Variants in BHLHE23 observed in about 807,000 individuals in gnomAD.
BHLHE23 encodes class E basic helix-loop-helix protein 23.
For synonymous variants in BHLHE23, 204 were observed against 184.4 expected, an observed-to-expected ratio of 1.11 and a Z score of -0.86; for missense variants, 401 against 380.0, an observed-to-expected ratio of 1.06 and a Z score of -0.46.
rs569029234 is a variant in BHLHE23 at position 63,006,675 on chromosome 20, C to G, written c.100G>C (p.Gly34Arg). 2.9e-6 allele frequency: 4 copies of G among 1,371,268 alleles called. No individual in the cohort carries two copies. The highest frequency in any genetic ancestry group is 3.0e-5 in the African/African-American group (2 of 66,088). The allele number at this position is 1,371,268 out of a possible 1,614,324, so 84.9% of individuals were successfully genotyped here. The change falls in exon 1 of 1, where the codon GGC (glycine) becomes CGC (arginine). Residue 34 changes from glycine to arginine, a missense_variant. Physicochemically the swap from Gly to Arg is moderately radical, Grantham distance 125 (BLOSUM62 -2). Transcript: ENST00000612929. ...SGDAYLALSH[G>R]YAAAAAGLAY... is the part of the protein sequence containing the mutation. ...AGACCCGCAGCCGCCGCCGCGTAGC[C>G]GTGGCTTAGTGCCAGGTACGCGTCC...
chr20:63,006,091 C>A lies in BHLHE23; in HGVS notation c.684G>T (p.Gly228=). The change falls in exon 1 of 1, where the codon GGG becomes GGT. Residue 228 remains glycine (G), a synonymous_variant. Coordinates refer to ENST00000612929, the MANE Select transcript of BHLHE23 (RefSeq NM_080606.4). ...PCPDKCAAFS[G]TPSALCKHCH... ...AGTGTTTGCAAAGCGCGGAGGGCGTCCCGGAGAAGGCGGCGCACTTGTCAG... is the reference window on the plus strand; with the variant it reads ...AGTGTTTGCAAAGCGCGGAGGGCGTACCGGAGAAGGCGGCGCACTTGTCAG... 1 of 1,545,056 alleles carries A rather than the reference C, an allele frequency of 6.5e-7. No individual in the cohort carries two copies. Among genetic ancestry groups the A allele is most frequent in the South Asian group, 1.2e-5 (1 of 83,860 alleles).
chr20:63,006,040 C>T lies in BHLHE23; in HGVS notation c.*9G>A. On this transcript the variant is annotated 3_prime_UTR_variant, in exon 1 of 1. Transcript: ENST00000612929. ...AGGACGCGTGCGGGAGGGCCGGGGG[C>T]CCGCGCGGTCACGGCTTCTCGTGAC... 2 of 1,503,964 alleles carry T rather than the reference C, an allele frequency of 1.3e-6. No homozygotes were observed. Among genetic ancestry groups the T allele is most frequent in the Non-Finnish European group, 1.8e-6 (2 of 1,131,776 alleles). The allele number at this position is 1,503,964 out of a possible 1,614,324, so 93.2% of individuals were successfully genotyped here. A position where few individuals can be genotyped will look rare whatever the true frequency, so the allele number is the denominator to read the frequency against.
chr20:63,006,332 C>T lies in BHLHE23; in HGVS notation c.443G>A (p.Ser148Asn). The change falls in exon 1 of 1, where the codon AGC becomes AAC. Residue 148 changes from serine (S) to asparagine (N), a missense_variant. Transcript: ENST00000612929. ...CTTGGAGAGCTTGCGCACCGACGGG[C>T]TGTGCGCGTAGGGGATGACGGCTCG... Reference protein sequence around the residue: ...GLRAVIPYAHSPSVRKLSKIA... With the variant: ...GLRAVIPYAHNPSVRKLSKIA... 1 of 1,611,084 alleles carries T rather than the reference C, an allele frequency of 6.2e-7. No homozygotes were observed. The highest frequency in any genetic ancestry group is 1.1e-5 in the South Asian group (1 of 91,036).
chr20:63,006,009 G>T lies in BHLHE23; in HGVS notation c.*40C>A, dbSNP rs1272715108. Reference sequence around the variant, plus strand: ...CGGGCAGAGAGACAGTCACAGGGGCGATCGGAGGACGCGTGCGGGAGGGCC... The same window carrying T: ...CGGGCAGAGAGACAGTCACAGGGGCTATCGGAGGACGCGTGCGGGAGGGCC... On this transcript the variant is annotated 3_prime_UTR_variant, in exon 1 of 1. Coordinates refer to ENST00000612929, the MANE Select transcript of BHLHE23 (RefSeq NM_080606.4). 4.7e-6 allele frequency: 7 copies of T among 1,479,800 alleles called. No individual in the cohort carries two copies. Among genetic ancestry groups the T allele is most frequent in the Non-Finnish European group, 6.2e-6 (7 of 1,120,822 alleles). The allele number at this position is 1,479,800 out of a possible 1,614,324, so 91.7% of individuals were successfully genotyped here. A position where few individuals can be genotyped will look rare whatever the true frequency, so the allele number is the denominator to read the frequency against.
Position 63,006,473 on chromosome 20 carries a change from G to A in BHLHE23, c.302C>T (p.Pro101Leu). 2.2e-6 allele frequency: 3 copies of A among 1,340,778 alleles called. No homozygotes were observed. The highest frequency in any genetic ancestry group is 2.8e-6 in the Non-Finnish European group (3 of 1,056,868). The allele number at this position is 1,340,778 out of a possible 1,614,324, so 83.1% of individuals were successfully genotyped here. ...AFEQRRRRRG[P>L]GSAADGRRRP... ...CCGCCGCCCGTCCGCCGCGCTCCCTGGCCCGCGCCGCCGCCGCCGCTGCTC... is the reference window on the plus strand; with the variant it reads ...CCGCCGCCCGTCCGCCGCGCTCCCTAGCCCGCGCCGCCGCCGCCGCTGCTC... The change falls in exon 1 of 1, where the codon CCA becomes CTA. Residue 101 changes from proline (P) to leucine (L), a missense_variant. Coordinates refer to ENST00000612929, the MANE Select transcript of BHLHE23 (RefSeq NM_080606.4).
chr20:63,006,298 C>T lies in BHLHE23; in HGVS notation c.477G>A (p.Thr159=), dbSNP rs1228401976. 1.2e-6 allele frequency: 2 copies of T among 1,611,636 alleles called. No homozygotes were observed. The highest frequency in any genetic ancestry group is 1.7e-6 in the Non-Finnish European group (2 of 1,179,730). ...GGATATAGTTCTTGGCGAGCAGCAG[C>T]GTGGCGATCTTGGAGAGCTTGCGCA... ...PSVRKLSKIA[T]LLLAKNYILM... Residue 159 remains threonine, a synonymous_variant, in exon 1 of 1, where the codon ACG becomes ACA. Transcript: ENST00000612929.
At position 63,006,393 on chromosome 20, in the gene BHLHE23, G is replaced by A. The variant is rs1170473121; in HGVS notation, c.382C>T (p.Arg128Cys). ...AGCGCGTCGTTTAGGTCGTGCATGC[G>A]CCGCCGCTCGCGCGCGTTGATGCTG... is the stretch of plus-strand genomic sequence containing the variant. The part of the protein sequence containing the change: ...RLSINARERR[R>C]MHDLNDALDG... Residue 128 changes from arginine to cysteine, a missense_variant, in exon 1 of 1, where the codon CGC (arginine) becomes TGC (cysteine). By Grantham distance (180) the Arg-to-Cys change is radical. Coordinates refer to ENST00000612929, the MANE Select transcript of BHLHE23 (RefSeq NM_080606.4). The A allele has an allele frequency of 4.4e-6, 7 of 1,590,728 alleles. No homozygotes were observed. In the South Asian group the frequency reaches 7.8e-5, roughly 18 times the overall value.
rs761421812 is a variant in BHLHE23 at position 63,006,142 on chromosome 20, G to T, written c.633C>A (p.Ser211=). 1,765 of 1,549,908 alleles carry T rather than the reference G, an allele frequency of 1.1e-3. 2 individuals carry two copies. Among genetic ancestry groups the T allele is most frequent in the Non-Finnish European group, 1.4e-3 (1,605 of 1,149,664 alleles). ...PFGQATVCPF[S]AGAALGPCPD... Reference sequence around the variant, plus strand: ...GGCAGGGCCCCAGGGCGGCGCCTGCGGAGAAGGGGCACACAGTGGCCTGGC... The same window carrying T: ...GGCAGGGCCCCAGGGCGGCGCCTGCTGAGAAGGGGCACACAGTGGCCTGGC... The change falls in exon 1 of 1, where the codon TCC becomes TCA. Residue 211 remains serine, a synonymous_variant. Transcript: ENST00000612929.
Position 63,006,588 on chromosome 20 carries a change from C to T in BHLHE23, c.187G>A (p.Gly63Ser). 1 of 1,307,750 alleles carries T rather than the reference C, an allele frequency of 7.6e-7. No homozygotes were observed. The highest frequency in any genetic ancestry group is 9.7e-7 in the Non-Finnish European group (1 of 1,031,150). 81.0% of individuals were successfully genotyped at this position (1,307,750 alleles called of 1,614,324 possible). The change falls in exon 1 of 1, where the codon GGC (glycine) becomes AGC (serine). Residue 63 changes from glycine to serine, a missense_variant. Gly to Ser is a moderately conservative substitution (Grantham distance 56, BLOSUM62 0). Coordinates refer to ENST00000612929, the MANE Select transcript of BHLHE23 (RefSeq NM_080606.4). ...GGTGCAGGCGCCGCGGGGAGGTCGC[C>T]GCCCGGGCCCGGAGTGCCGTAGCCG... ...ARGYGTPGPGGDLPAAPAPRA... is the reference protein window; with the variant it reads ...ARGYGTPGPGSDLPAAPAPRA...
Position 63,006,903 on chromosome 20 carries a change from C to G in BHLHE23, c.-129G>C. On this transcript the variant is annotated 5_prime_UTR_variant, in exon 1 of 1. Transcript: ENST00000612929. Reference sequence around the variant, plus strand: ...GAGCCTCGGCGCCCGCTGCCTCCTCCGCCTCTTCCTTCTCTCCCACCTCCT... The same window carrying G: ...GAGCCTCGGCGCCCGCTGCCTCCTCGGCCTCTTCCTTCTCTCCCACCTCCT... 8.2e-7 allele frequency: 1 copy of G among 1,217,378 alleles called. No homozygotes were observed. The highest frequency in any genetic ancestry group is 1.0e-6 in the Non-Finnish European group (1 of 977,048). The allele number at this position is 1,217,378 out of a possible 1,614,324, so 75.4% of individuals were successfully genotyped here. A position where few individuals can be genotyped will look rare whatever the true frequency, so the allele number is the denominator to read the frequency against.
At position 63,006,855 on chromosome 20, in the gene BHLHE23, G is replaced by A; in HGVS notation, c.-81C>T. 8.2e-7 allele frequency: 1 copy of A among 1,224,580 alleles called. No individual in the cohort carries two copies. The highest frequency in any genetic ancestry group is 1.0e-6 in the Non-Finnish European group (1 of 982,838). 75.9% of individuals were successfully genotyped at this position (1,224,580 alleles called of 1,614,324 possible). A position where few individuals can be genotyped will look rare whatever the true frequency, so the allele number is the denominator to read the frequency against. The stretch of plus-strand genomic sequence containing the variant: ...ATGAGGCTCCCGGCTCTGCGCGTCG[G>A]TCTGGCTTGCCTGCGGGTCCCAGAG... On this transcript the variant is annotated 5_prime_UTR_variant, in exon 1 of 1. Coordinates refer to ENST00000612929, the MANE Select transcript of BHLHE23 (RefSeq NM_080606.4).
chr20:63,006,610 G>T lies in BHLHE23; in HGVS notation c.165C>A (p.Gly55=). The T allele has an allele frequency of 7.5e-7, 1 of 1,341,276 alleles. No homozygotes were observed. The highest frequency in any genetic ancestry group is 9.6e-7 in the Non-Finnish European group (1 of 1,046,488). The allele number at this position is 1,341,276 out of a possible 1,614,324, so 83.1% of individuals were successfully genotyped here. Residue 55 remains glycine, a synonymous_variant, in exon 1 of 1, where the codon GGC becomes GGA. Transcript: ENST00000612929. ...CGCCGCCCGGGCCCGGAGTGCCGTA[G>T]CCGCGGGCCGCTTCGGGTTCTCGCG... is the stretch of plus-strand genomic sequence containing the variant. The part of the protein sequence containing the change: ...GAAREPEAAR[G]YGTPGPGGDL...
In BHLHE23 at chr20:63,006,091, C is replaced by T. The variant is rs989752675; in HGVS notation, c.684G>A (p.Gly228=). 5 of 1,545,056 alleles carry T rather than the reference C, an allele frequency of 3.2e-6. No homozygotes were observed. Among genetic ancestry groups the T allele is most frequent in the African/African-American group, 2.7e-5 (2 of 72,946 alleles). The change falls in exon 1 of 1, where the codon GGG becomes GGA. Residue 228 remains glycine (G), a synonymous_variant. Coordinates refer to ENST00000612929, the MANE Select transcript of BHLHE23 (RefSeq NM_080606.4). The part of the protein sequence containing the change: ...PCPDKCAAFS[G]TPSALCKHCH... ...AGTGTTTGCAAAGCGCGGAGGGCGT[C>T]CCGGAGAAGGCGGCGCACTTGTCAG...
rs1309293230 is a variant in BHLHE23, at chr20:63,006,343, G to A, written c.432C>T (p.Pro144=). ...DALDGLRAVI[P]YAHSPSVRKL... ...TGCGCACCGACGGGCTGTGCGCGTA[G>A]GGGATGACGGCTCGCAGCCCGTCCA... The change falls in exon 1 of 1, where the codon CCC becomes CCT. Residue 144 remains proline, a synonymous_variant. Transcript: ENST00000612929. 4 of 1,610,508 alleles carry A rather than the reference G, an allele frequency of 2.5e-6. No individual in the cohort carries two copies. Among genetic ancestry groups the A allele is most frequent in the East Asian group, 2.2e-5 (1 of 44,858 alleles).
In BHLHE23 at chr20:63,006,959, G is replaced by A; in HGVS notation, c.-185C>T. 6.8e-6 allele frequency: 7 copies of A among 1,025,128 alleles called. No individual in the cohort carries two copies. The highest frequency in any genetic ancestry group is 5.0e-5 in the African/African-American group (3 of 59,956). 63.5% of individuals were successfully genotyped at this position (1,025,128 alleles called of 1,614,324 possible). On this transcript the variant is annotated 5_prime_UTR_variant, in exon 1 of 1. Coordinates refer to ENST00000612929, the MANE Select transcript of BHLHE23 (RefSeq NM_080606.4). ...TCCCAGCCGCGACGCGCAGGGGGCG[G>A]GCTCTACCTCCCCCTCGCCCCCGCT...
Position 63,006,480 on chromosome 20 carries a change from GC to G in BHLHE23, c.294del (p.Arg99AlafsTer34). The G allele has an allele frequency of 7.6e-7, 1 of 1,320,660 alleles. No homozygotes were observed. Among genetic ancestry groups the G allele is most frequent in the Non-Finnish European group, 9.6e-7 (1 of 1,044,434 alleles). The allele number at this position is 1,320,660 out of a possible 1,614,324, so 81.8% of individuals were successfully genotyped here. On this transcript the variant is annotated frameshift_variant, in exon 1 of 1. Transcript: ENST00000612929. LOFTEE classifies it low-confidence loss of function (END_TRUNC). Reference sequence around the variant, plus strand: ...CCGTCCGCCGCGCTCCCTGGCCCGCGCCGCCGCCGCCGCTGCTCGAAGGCGT... The same window carrying G: ...CCGTCCGCCGCGCTCCCTGGCCCGCGCGCCGCCGCCGCTGCTCGAAGGCGT... ...EDDAFEQRRR[R>X]RGPGSAADGR...
In BHLHE23 at chr20:63,006,911, C is replaced by A; in HGVS notation, c.-137G>T. 8.3e-7 allele frequency: 1 copy of A among 1,208,570 alleles called. No individual in the cohort carries two copies. Among genetic ancestry groups the A allele is most frequent in the East Asian group, 3.3e-5 (1 of 30,622 alleles). 74.9% of individuals were successfully genotyped at this position (1,208,570 alleles called of 1,614,324 possible). Reference sequence around the variant, plus strand: ...GCGCCCGCTGCCTCCTCCGCCTCTTCCTTCTCTCCCACCTCCTCTCCCTCC... The same window carrying A: ...GCGCCCGCTGCCTCCTCCGCCTCTTACTTCTCTCCCACCTCCTCTCCCTCC... On this transcript the variant is annotated 5_prime_UTR_variant, in exon 1 of 1. Coordinates refer to ENST00000612929, the MANE Select transcript of BHLHE23 (RefSeq NM_080606.4).
In BHLHE23 at chr20:63,006,479, C is replaced by A; in HGVS notation, c.296G>T (p.Arg99Leu). 1 of 1,321,048 alleles carries A rather than the reference C, an allele frequency of 7.6e-7. No individual in the cohort carries two copies. The highest frequency in any genetic ancestry group is 4.1e-5 in the Admixed American group (1 of 24,236). The allele number at this position is 1,321,048 out of a possible 1,614,324, so 81.8% of individuals were successfully genotyped here. A position where few individuals can be genotyped will look rare whatever the true frequency, so the allele number is the denominator to read the frequency against. Residue 99 changes from arginine (R) to leucine (L), a missense_variant, in exon 1 of 1, where the codon CGC (arginine) becomes CTC (leucine). By Grantham distance (102) the Arg-to-Leu change is moderately radical. Coordinates refer to ENST00000612929, the MANE Select transcript of BHLHE23 (RefSeq NM_080606.4). ...DDAFEQRRRRRGPGSAADGRR... is the reference protein window; with the variant it reads ...DDAFEQRRRRLGPGSAADGRR... ...CCCGTCCGCCGCGCTCCCTGGCCCG[C>A]GCCGCCGCCGCCGCTGCTCGAAGGC...
In BHLHE23 at chr20:63,005,965, C is replaced by T. The variant is rs1034158790; in HGVS notation, c.*84G>A. ...CCCCCTCCTCCTGGTCTGCAGGGTCCCTCCAGGCCTTTCCTGTCCGGGCAG... is the reference window on the plus strand; with the variant it reads ...CCCCCTCCTCCTGGTCTGCAGGGTCTCTCCAGGCCTTTCCTGTCCGGGCAG... On this transcript the variant is annotated 3_prime_UTR_variant, in exon 1 of 1. Transcript: ENST00000612929. 2.1e-6 allele frequency: 3 copies of T among 1,419,742 alleles called. No individual in the cohort carries two copies. In the African/African-American group the frequency reaches 4.5e-5, roughly 21 times the overall value. 87.9% of individuals were successfully genotyped at this position (1,419,742 alleles called of 1,614,324 possible).
Sources: allele counts gnomAD v4.1 joint callset, GRCh38; gene constraint gnomAD v4.1.1; transcripts MANE v1.5; gene names NCBI Gene and HGNC (gene_info 2026-07-23, HGNC 2026-07-21).